The following PTPRT variants were observed in gnomAD, a reference collection of about 807,000 sequenced individuals.
PTPRT encodes the protein protein tyrosine phosphatase receptor type T.
PTPRT carries 56 observed loss-of-function variants against 176.8 expected under a neutral mutation model. The observed-to-expected ratio is 0.32, with a 90% CI of 0.26 to 0.40. The LOEUF is 0.40. Ranked by LOEUF, PTPRT falls within the 10% of genes least tolerant of loss-of-function variation. PTPRT has a pLI of 1.00. For synonymous variants in PTPRT, 783 were observed against 739.0 expected (o/e 1.06, Z -0.96); for missense variants, 1,540 against 1,908.2 (o/e 0.81, Z 3.60).
intron 18 of PTPRT, among the ~76,000 whole-genome samples, chr20:42,138,343 C>T (rs1255481219): frequency 6.6e-6 from 1 of 152,184 alleles, no homozygotes; most frequent in Non-Finnish European, 1.5e-5. Flanking sequence ...GTGGGGTCAC[C>T]ATGGGTGGCT....
chr20:43,150,364 T>A (rs1337684676), intron 1 of PTPRT, among the ~76,000 whole-genome samples: 1 of 152,190 alleles, frequency 6.6e-6, no homozygotes, highest in African/African-American at 2.4e-5. Context: ...CACCTAATAC[T>A]CAGCCAGCTG....
At chr20:42,068,743 G>A (rs926850028), downstream of PTPRT, among the ~76,000 whole-genome samples, 2 of 152,082 alleles carry the variant, frequency 1.3e-5, no homozygotes, top group Non-Finnish European at 2.9e-5. Context: ...AATTCCTCCC[G>A]GATTCACACA....
At chr20:42,291,019 T>TA (rs2057308698) in intron 12 of PTPRT, among the ~76,000 whole-genome samples, 1 of 152,182 alleles carries the variant, frequency 6.6e-6, no homozygotes, top group African/African-American at 2.4e-5. Context: ...CCCATAGTTT[T>TA]CAAATAGTTT....
intron 7 of PTPRT, among the ~76,000 whole-genome samples, chr20:42,576,130 A>T (rs111908759): frequency 9.5e-4 from 145 of 152,204 alleles, no homozygotes; most frequent in African/African-American, 3.3e-3. Context: ...TGCCTGTTGG[A>T]GCATCTGCAT....
chr20:42,199,589 C>A (rs972036852), intron 15 of PTPRT, among the ~76,000 whole-genome samples: 1 of 152,168 alleles, frequency 6.6e-6, no homozygotes, highest in Non-Finnish European at 1.5e-5. Context: ...GCCTCACCCC[C>A]GACAATGCAT....
intron 7 of PTPRT, among the ~76,000 whole-genome samples, chr20:42,564,811 C>T (rs1303338936): frequency 3.3e-5 from 5 of 152,032 alleles, no homozygotes; most frequent in African/African-American, 1.2e-4. Flanking sequence ...ATTTACATAG[C>T]ATTTGTATTG....
At chr20:42,601,128 G>A (rs925315074) in intron 7 of PTPRT, among the ~76,000 whole-genome samples, 2 of 152,132 alleles carry the variant, frequency 1.3e-5, no homozygotes, top group Non-Finnish European at 2.9e-5. Flanking sequence ...CTAGTGAGTG[G>A]TAGCTCCCGC....
At chr20:42,818,451 CT>C (rs1339669499) in intron 2 of PTPRT, among the ~76,000 whole-genome samples, 1 of 152,110 alleles carries the variant, frequency 6.6e-6, no homozygotes, top group Admixed American at 6.5e-5. Flanking sequence ...CAAAAAAATG[CT>C]GAAAACACAA....
chr20:42,479,218 G>A (rs62204929), intron 7 of PTPRT, among the ~76,000 whole-genome samples: 1 of 152,212 alleles, frequency 6.6e-6, no homozygotes, highest in African/African-American at 2.4e-5. Context: ...ACGTATTCAT[G>A]TTTGCATGTG....
intron 1 of PTPRT, among the ~76,000 whole-genome samples, chr20:42,999,561 G>C (rs2146125496): frequency 6.6e-6 from 1 of 152,068 alleles, no homozygotes; most frequent in Admixed American, 6.5e-5. Flanking sequence ...TTCGAGACCA[G>C]CCTGGGAAAC....
At position 43,189,880 on chromosome 20, in the gene PTPRT, G is replaced by C. The variant is rs2015498628; in HGVS notation, c.-147C>G. ...GGGCTCCCGGAGCCGGCGCTCCTGC[G>C]TTCCAAGCCGAGGCGCGGCGCGAAC... On this transcript the variant is annotated 5_prime_UTR_variant, in exon 1 of 31. Coordinates refer to ENST00000373187, the MANE Select transcript of PTPRT (RefSeq NM_007050.6). This position sits in a 1 kb window ranked among gnomAD's most constrained non-coding sequence, Gnocchi z 5.0. 4.9e-6 allele frequency: 1 copy of C among 206,030 alleles called. No individual in the cohort carries two copies. Among genetic ancestry groups the C allele is most frequent in the Non-Finnish European group, 8.2e-6 (1 of 121,710 alleles). 12.8% of individuals were successfully genotyped at this position (206,030 alleles called of 1,614,324 possible). A position where few individuals can be genotyped will look rare whatever the true frequency, so the allele number is the denominator to read the frequency against.
intron 7 of PTPRT, among the ~76,000 whole-genome samples, chr20:42,541,311 T>G (rs1436033548): frequency 1.3e-5 from 2 of 151,714 alleles, no homozygotes; most frequent in African/African-American, 4.9e-5. Context: ...GTGTTGGGGG[T>G]AGATTAGCTA....
intron 1 of PTPRT, among the ~76,000 whole-genome samples, chr20:42,903,530 G>A (rs2079434087): frequency 6.6e-6 from 1 of 152,170 alleles, no homozygotes; most frequent in South Asian, 2.1e-4. Flanking sequence ...CACCAAACTG[G>A]TAATTGTGTA....
rs778020549 is a variant in PTPRT, at chr20:42,106,771, C to A, written c.3390+15G>T. ...GGCTACAGGTGGCCAACTGTCTTGG[C>A]CCCCTAGGACTCACCTCTGTCTGTA... is the stretch of plus-strand genomic sequence containing the variant. On this transcript the variant is annotated intron_variant, in intron 24 of 30. Transcript: ENST00000373187. The A allele has an allele frequency of 3.1e-6, 5 of 1,609,294 alleles. No individual in the cohort carries two copies. The highest frequency in any genetic ancestry group is 3.4e-6 in the Non-Finnish European group (4 of 1,177,238).
intron 7 of PTPRT, among the ~76,000 whole-genome samples, chr20:42,483,799 C>T (rs975282207): frequency 6.6e-6 from 1 of 152,204 alleles, no homozygotes; most frequent in African/African-American, 2.4e-5. Context: ...CCAAACATGC[C>T]CTCTGTATCT....
intron 7 of PTPRT, among the ~76,000 whole-genome samples, chr20:42,676,245 T>C (rs979190521): frequency 6.6e-6 from 1 of 152,214 alleles, no homozygotes; most frequent in Non-Finnish European, 1.5e-5. Context: ...TCTTTTTTGA[T>C]GTGTCACTAA....
intron 1 of PTPRT, among the ~76,000 whole-genome samples, chr20:43,098,547 CTTTT>C (rs752767685): frequency 7.0e-6 from 1 of 141,894 alleles, no homozygotes; most frequent in African/African-American, 2.6e-5. Flanking sequence ...TCTTTTTTTT[CTTTT>C]TTTTTTTTTT....
At chr20:42,751,632 C>T (rs981023836) in intron 6 of PTPRT, among the ~76,000 whole-genome samples, 14 of 152,126 alleles carry the variant, frequency 9.2e-5, no homozygotes, top group Middle Eastern at 3.2e-3. Flanking sequence ...CTAGAAAAAG[C>T]CGGCAGAAGA....
chr20:42,183,498 T>C (rs1290447975), intron 16 of PTPRT, among the ~76,000 whole-genome samples: 1 of 152,228 alleles, frequency 6.6e-6, no homozygotes, highest in Non-Finnish European at 1.5e-5. Context: ...TTGTAAAATG[T>C]GCAGAGACCA....
Sources: gnomAD v4.1 joint callset for allele counts (sites outside exome capture counted in the v4.1 genomes callset) on GRCh38, gnomAD v4.1.1 for gene constraint, Gnocchi (gnomAD v3.1) non-coding constraint, MANE v1.5 for transcripts, NCBI Gene and HGNC (gene_info 2026-07-23, HGNC 2026-07-21) for gene names.